Variants in RUNX1 observed in about 807,000 individuals in gnomAD.
RUNX1 encodes the protein runt-related transcription factor 1.
A neutral mutation model predicts 42.8 loss-of-function variants in RUNX1; 19 were observed. That is an observed-to-expected ratio of 0.44 (90% confidence interval 0.31 to 0.65). The LOEUF is 0.65. RUNX1 is among the 30% of genes least tolerant of loss of function. RUNX1 has a pLI of 0.07. For synonymous variants in RUNX1, 271 were observed against 289.4 expected (o/e 0.94, Z 0.64); for missense variants, 528 against 672.0 (o/e 0.79, Z 2.37).
chr21:34,832,756 T>TA (rs138847543), intron 7 of RUNX1, among the ~76,000 whole-genome samples: 10 of 151,964 alleles, frequency 6.6e-5, no homozygotes, highest in African/African-American at 2.2e-4. Context: ...TTTTGGAATT[T>TA]AAAAAAAATC....
intron 2 of RUNX1, among the ~76,000 whole-genome samples, chr21:35,007,333 A>G (rs1448290508): frequency 1.3e-5 from 2 of 152,146 alleles, no homozygotes; most frequent in Non-Finnish European, 2.9e-5. Context: ...TGCTCTGGAC[A>G]GACGCTGTGG....
intron 7 of RUNX1, among the ~76,000 whole-genome samples, chr21:34,803,729 C>T (rs1232086861): frequency 1.3e-5 from 2 of 152,102 alleles, no homozygotes; most frequent in Admixed American, 1.3e-4. Flanking sequence ...CCTTCTACTC[C>T]TTGATCCCCA....
intron 6 of RUNX1, among the ~76,000 whole-genome samples, chr21:34,840,725 T>A (rs1375772013): frequency 6.6e-6 from 1 of 152,176 alleles, no homozygotes; most frequent in Non-Finnish European, 1.5e-5. Flanking sequence ...GCCTGCTCTA[T>A]CTTTCTGTGT....
chr21:34,949,668 C>T (rs190016788), intron 2 of RUNX1, among the ~76,000 whole-genome samples: 83 of 152,348 alleles, frequency 5.4e-4, no homozygotes, highest in African/African-American at 1.9e-3. Context: ...GCCACACCCG[C>T]GCCAGCGAGG....
intron 2 of RUNX1, among the ~76,000 whole-genome samples, chr21:35,042,966 A>T (rs2059370047): frequency 6.6e-6 from 1 of 152,172 alleles, no homozygotes; most frequent in African/African-American, 2.4e-5. Context: ...TTATTGCAAG[A>T]TGAGGGAGGG....
At chr21:34,958,602 G>A (rs1450882903) in intron 2 of RUNX1, among the ~76,000 whole-genome samples, 6 of 152,144 alleles carry the variant, frequency 3.9e-5, no homozygotes, top group African/African-American at 1.4e-4. Flanking sequence ...ACTGTTGGTG[G>A]GACTGTAAAC....
Position 35,041,318 on chromosome 21 carries a change from C to T in RUNX1, c.58+7524G>A, listed in dbSNP as rs931471582. On this transcript the variant is annotated intron_variant, in intron 2 of 8. Coordinates refer to ENST00000675419, the MANE Select transcript of RUNX1 (RefSeq NM_001754.5). ...TTTAGAATCAATTTAACATGAACTT[C>T]GCATTTATGCAAAGCAGCATCAGTC... 7.9e-5 allele frequency among the ~76,000 whole-genome samples: 12 copies of T among 152,326 alleles called. No homozygotes were observed. The South Asian group carries it at 1.0e-3, about 13-fold the overall frequency.
intron 2 of RUNX1, among the ~76,000 whole-genome samples, chr21:35,009,294 A>G (rs1474624613): frequency 6.6e-6 from 1 of 152,188 alleles, no homozygotes; most frequent in Non-Finnish European, 1.5e-5. Flanking sequence ...AAAATGTTAT[A>G]TGATTTTAAA....
chr21:34,904,553 T>A (rs1330253429), intron 2 of RUNX1, among the ~76,000 whole-genome samples: 1 of 152,128 alleles, frequency 6.6e-6, no homozygotes, highest in Non-Finnish European at 1.5e-5. Flanking sequence ...AAATTATAGG[T>A]CATTTCTAGT....
intron 2 of RUNX1, among the ~76,000 whole-genome samples, chr21:34,968,906 C>T (rs1269224907): frequency 6.6e-6 from 1 of 152,150 alleles, no homozygotes; most frequent in Non-Finnish European, 1.5e-5. Context: ...CTACATGTAG[C>T]TAAAACAATT....
At chr21:34,894,880 AACACACACAC>A (rs57230115) in intron 2 of RUNX1, among the ~76,000 whole-genome samples, 1,922 of 127,948 alleles carry the variant, frequency 0.015, 17 homozygotes, top group South Asian at 0.037. Context: ...CCTACATAGA[AACACACACAC>A]ACACACACAC....
At chr21:34,995,638 G>T (rs1242739617) in intron 2 of RUNX1, among the ~76,000 whole-genome samples, 1 of 151,772 alleles carries the variant, frequency 6.6e-6, no homozygotes, top group Admixed American at 6.6e-5. Flanking sequence ...ACAGGGTTTC[G>T]CCATGTTGCC....
chr21:34,889,868 C>G (rs1035293030), intron 3 of RUNX1: 4 of 1,080,074 alleles, frequency 3.7e-6, no homozygotes, highest in Non-Finnish European at 4.5e-6. Context: ...CCCTGCCGGG[C>G]CCTGCACCTC....
intron 2 of RUNX1, among the ~76,000 whole-genome samples, chr21:35,010,338 C>T (rs1169970177): frequency 6.6e-6 from 1 of 152,062 alleles, no homozygotes. Flanking sequence ...CAATTACACT[C>T]CTTTTTTTAA....
chr21:34,993,780 C>CACAG lies in RUNX1; in HGVS notation c.58+55061_58+55062insCTGT, dbSNP rs2058971290. On this transcript the variant is annotated intron_variant, in intron 2 of 8. Coordinates refer to ENST00000675419, the MANE Select transcript of RUNX1 (RefSeq NM_001754.5). Reference sequence around the variant, plus strand: ...ACACACACAGGCGCACACACACAGACACACACACACAGACACACACACAGA... The same window carrying CACAG: ...ACACACACAGGCGCACACACACAGACACAGACACACACACAGACACACACACAGA... Among the ~76,000 whole-genome samples, 4 of 135,654 alleles carry CACAG rather than the reference C, an allele frequency of 2.9e-5. 1 individual carries two copies. Among genetic ancestry groups the CACAG allele is most frequent in the Non-Finnish European group, 6.0e-5 (4 of 66,936 alleles). 89.0% of individuals were successfully genotyped at this position (135,654 alleles called of 152,430 possible).
At chr21:34,793,397 C>T (rs776638794) in intron 8 of RUNX1, among the ~76,000 whole-genome samples, 14 of 151,982 alleles carry the variant, frequency 9.2e-5, no homozygotes, top group Middle Eastern at 3.4e-3. Flanking sequence ...ATATGTATAA[C>T]GTATATAAAA....
intron 2 of RUNX1, among the ~76,000 whole-genome samples, chr21:35,028,912 A>G (rs2059254782): frequency 6.6e-6 from 1 of 152,224 alleles, no homozygotes; most frequent in African/African-American, 2.4e-5. Context: ...ACAGTCATCA[A>G]AGACACAGAG....
chr21:34,928,542 A>T (rs1219500223), intron 2 of RUNX1, among the ~76,000 whole-genome samples: 1 of 152,008 alleles, frequency 6.6e-6, no homozygotes, highest in Non-Finnish European at 1.5e-5. Flanking sequence ...AAAAATACAA[A>T]AAGTAGCTGG....
chr21:34,955,559 G>A (rs757309646), intron 2 of RUNX1, among the ~76,000 whole-genome samples: 20 of 152,238 alleles, frequency 1.3e-4, no homozygotes, highest in Non-Finnish European at 2.6e-4. Context: ...TGACTTAAAC[G>A]GAAGACTGAG....
Sources: gnomAD v4.1 joint callset for allele counts (sites outside exome capture counted in the v4.1 genomes callset) on GRCh38, gnomAD v4.1.1 for gene constraint, MANE v1.5 for transcripts, NCBI Gene and HGNC (gene_info 2026-07-23, HGNC 2026-07-21) for gene names.